ZNF330: variants seen among roughly 807,000 people sequenced by gnomAD.
ZNF330 encodes zinc finger protein 330.
A neutral mutation model predicts 45.5 loss-of-function variants in ZNF330; 31 were observed. The observed-to-expected ratio is 0.68, with a 90% CI of 0.51 to 0.92. The LOEUF (loss-of-function observed/expected upper bound fraction) is 0.92, where lower values mean the gene tolerates loss of function less well. Ranked by LOEUF, ZNF330 falls within the 40% of genes least tolerant of loss-of-function variation. The probability of loss-of-function intolerance (pLI) is 0.00; values close to 1 mark genes in which losing one functional copy is unlikely to be tolerated. For synonymous variants in ZNF330, 138 were observed against 123.2 expected (o/e 1.12, Z -0.79); for missense variants, 356 against 387.4 (o/e 0.92, Z 0.68).
chr4:141,223,100 A>C (rs1385211308), intron 2 of ZNF330, among the ~76,000 whole-genome samples: 1 of 152,010 alleles, frequency 6.6e-6, no homozygotes, highest in Non-Finnish European at 1.5e-5. Context: ...TTTGTCAAAC[A>C]TACATGAATT....
intron 4 of ZNF330, among the ~76,000 whole-genome samples, chr4:141,226,506 A>G (rs537348002): frequency 1.3e-5 from 2 of 152,298 alleles, no homozygotes; most frequent in East Asian, 1.9e-4. Context: ...TTTCTGATTT[A>G]GTACAAATTA....
rs1328467747 is a variant in ZNF330 at position 141,226,750 on chromosome 4, A to G, written c.212-17A>G. 5 of 1,607,294 alleles carry G rather than the reference A, an allele frequency of 3.1e-6. No homozygotes were observed. Among genetic ancestry groups the G allele is most frequent in the Non-Finnish European group, 4.3e-6 (5 of 1,174,650 alleles). On this transcript the variant is annotated splice_polypyrimidine_tract_variant and intron_variant, in intron 4 of 9. Transcript: ENST00000262990. ...TTCCTTTGCAAGACTAACAGTGCAA[A>G]TGTTTTTCTTCATTAGGGAAAACAA...
chr4:141,225,720 TG>T (rs767898821), intron 4 of ZNF330, among the ~76,000 whole-genome samples: 5 of 152,096 alleles, frequency 3.3e-5, no homozygotes, highest in Non-Finnish European at 7.4e-5. Context: ...CTGGCCTATA[TG>T]GAACACTCAT....
intron 5 of ZNF330, among the ~76,000 whole-genome samples, chr4:141,228,926 A>G (rs1377211751): frequency 2.6e-5 from 4 of 152,106 alleles, no homozygotes; most frequent in Admixed American, 2.6e-4. Context: ...GGTAGGTGTC[A>G]ATGTTTTATT....
At position 141,226,847 on chromosome 4, in the gene ZNF330, G is replaced by A; in HGVS notation, c.291+1G>A. The A allele has an allele frequency of 6.2e-7, 1 of 1,609,706 alleles. No individual in the cohort carries two copies. Among genetic ancestry groups the A allele is most frequent in the Non-Finnish European group, 8.5e-7 (1 of 1,177,228 alleles). On this transcript the variant is annotated splice_donor_variant, in intron 5 of 9. Transcript: ENST00000262990. LOFTEE classifies it high-confidence loss of function. ...ATACAGTACTGGCCTTGCAATGGTGGTAAGCTTCTTATTATCTCTTAGACT... is the reference window on the plus strand; with the variant it reads ...ATACAGTACTGGCCTTGCAATGGTGATAAGCTTCTTATTATCTCTTAGACT...
In ZNF330 at chr4:141,234,031, A is replaced by T; in HGVS notation, c.*42A>T. ...GCCGTGTGTGAGAGGAGCAGGAGTG[A>T]GTGTGTGTGCTTGATGAATTGTGTG... On this transcript the variant is annotated 3_prime_UTR_variant, in exon 10 of 10. Transcript: ENST00000262990. The T allele has an allele frequency of 6.4e-7, 1 of 1,572,748 alleles. No individual in the cohort carries two copies. The highest frequency in any genetic ancestry group is 8.6e-7 in the Non-Finnish European group (1 of 1,160,870).
rs112857937 is a variant in ZNF330, at chr4:141,231,183, C to A, written c.524-256C>A. Among the ~76,000 whole-genome samples, 434 of 152,124 alleles carry A rather than the reference C, an allele frequency of 2.9e-3. 3 individuals are homozygous for A. The highest frequency in any genetic ancestry group is 0.01 in the African/African-American group (418 of 41,494). ...TCTTGCAATATTTATATATAAAATT[C>A]TCAGATTAAAAGAGCATCTCGAAGT... On this transcript the variant is annotated intron_variant, in intron 7 of 9. Transcript: ENST00000262990.
intron 2 of ZNF330, chr4:141,222,799 C>G (rs1326191379): frequency 2.3e-5 from 4 of 176,672 alleles, no homozygotes; most frequent in African/African-American, 9.5e-5. Context: ...GGGTTTTCAT[C>G]ATATTTTCTT....
At chr4:141,226,933 C>T in intron 5 of ZNF330, 87 bp downstream of exon 5, 1 of 1,063,402 alleles carries the variant, frequency 9.4e-7, no homozygotes, top group Non-Finnish European at 1.4e-6. Context: ...TTCTAAATAT[C>T]ATTGCTTTGT....
rs765805211 is a variant in ZNF330 at position 141,222,400 on chromosome 4, A to G, written c.29A>G (p.Lys10Arg). The G allele has an allele frequency of 2.5e-6, 4 of 1,613,810 alleles. No individual in the cohort carries two copies. In the Admixed American group the frequency reaches 6.7e-5, roughly 27 times the overall value. Reference protein sequence around the residue: MPKKKTGARKKAENRREREK... With the variant: MPKKKTGARRKAENRREREK... Reference sequence around the variant, plus strand: ...CCTAAAAAAAAGACTGGTGCGAGGAAGAAGGCTGAGAACCGCCGAGAACGT... The same window carrying G: ...CCTAAAAAAAAGACTGGTGCGAGGAGGAAGGCTGAGAACCGCCGAGAACGT... The change falls in exon 2 of 10, where the codon AAG becomes AGG. Residue 10 changes from lysine (K) to arginine (R), a missense_variant. Coordinates refer to ENST00000262990, the MANE Select transcript of ZNF330 (RefSeq NM_014487.6).
At chr4:141,230,606 C>G (rs1728926619) in intron 7 of ZNF330, among the ~76,000 whole-genome samples, 1 of 152,102 alleles carries the variant, frequency 6.6e-6, no homozygotes, top group Non-Finnish European at 1.5e-5. Context: ...CCCTTCCTTC[C>G]CATTTCCAAA....
intron 4 of ZNF330, 99 bp downstream of exon 4, chr4:141,224,776 A>G (rs1228443615): frequency 1.2e-5 from 11 of 950,356 alleles, no homozygotes; most frequent in South Asian, 5.8e-5. Flanking sequence ...AGTGCTTACA[A>G]TTGTTGATAA....
At chr4:141,229,368 A>G (rs1257342678) in intron 5 of ZNF330, among the ~76,000 whole-genome samples, 1 of 150,686 alleles carries the variant, frequency 6.6e-6, no homozygotes, top group Non-Finnish European at 1.5e-5. Context: ...TATATTGTGG[A>G]TAGCTGTTAA....
chr4:141,224,280 T>C (rs972071256), intron 2 of ZNF330, among the ~76,000 whole-genome samples: 4 of 152,204 alleles, frequency 2.6e-5, no homozygotes, highest in Non-Finnish European at 4.4e-5. Context: ...TGCCACTTCT[T>C]CAGGGAATCA....
At chr4:141,233,261 G>C (rs775778417) in intron 9 of ZNF330, among the ~76,000 whole-genome samples, 24 of 152,118 alleles carry the variant, frequency 1.6e-4, no homozygotes, top group Non-Finnish European at 2.2e-4. Flanking sequence ...ATGGTGAGGT[G>C]AGACTGATGA....
rs1401161233 is a variant in ZNF330, at chr4:141,220,932, C to A, written c.-183C>A. 1 of 152,298 alleles carries A rather than the reference C, an allele frequency of 6.6e-6. No homozygotes were observed. The highest frequency in any genetic ancestry group is 1.5e-5 in the Non-Finnish European group (1 of 68,082). 9.4% of individuals were successfully genotyped at this position (152,298 alleles called of 1,614,324 possible). A position where few individuals can be genotyped will look rare whatever the true frequency, so the allele number is the denominator to read the frequency against. ...GGACGTCCGGTCCGTCTCCTAGTGT[C>A]CGGAATCGGCTGTCAGCCTCCCTGG... On this transcript the variant is annotated 5_prime_UTR_variant, in exon 1 of 10. Transcript: ENST00000262990.
intron 2 of ZNF330, among the ~76,000 whole-genome samples, chr4:141,223,348 TGGGAAGGGGAAGG>T (rs1560784655): frequency 6.6e-6 from 1 of 152,126 alleles, no homozygotes; most frequent in African/African-American, 2.4e-5. Flanking sequence ...CTCATATTGC[TGGGAAGGGGAAGG>T]ATATACCTGG....
chr4:141,222,474 C>T lies in ZNF330; in HGVS notation c.103C>T (p.Pro35Ser). ...AAGCACTATAGATTTAGCTAAACAT[C>T]CATGTAATGCCTCAATGGTATCAGC... ...SRSTIDLAKH[P>S]CNASMECDKC... The change falls in exon 2 of 10, where the codon CCA (proline) becomes TCA (serine). Residue 35 changes from proline to serine, a missense_variant. Pro to Ser is a moderately conservative substitution (Grantham distance 74). Coordinates refer to ENST00000262990, the MANE Select transcript of ZNF330 (RefSeq NM_014487.6). 2 of 1,612,174 alleles carry T rather than the reference C, an allele frequency of 1.2e-6. No individual in the cohort carries two copies. The highest frequency in any genetic ancestry group is 1.7e-6 in the Non-Finnish European group (2 of 1,179,326).
In ZNF330 at chr4:141,234,007, C is replaced by T. The variant is rs777330367; in HGVS notation, c.*18C>T. 13 of 1,599,720 alleles carry T rather than the reference C, an allele frequency of 8.1e-6. No individual in the cohort carries two copies. The highest frequency in any genetic ancestry group is 1.1e-5 in the South Asian group (1 of 88,506). On this transcript the variant is annotated 3_prime_UTR_variant, in exon 10 of 10. Transcript: ENST00000262990. ...AGAACTAGGGGAGCTGCTCTGGTGG[C>T]CGTGTGTGAGAGGAGCAGGAGTGAG...
Sources: allele counts gnomAD v4.1 joint callset (sites outside exome capture counted in the v4.1 genomes callset), GRCh38; gene constraint gnomAD v4.1.1; transcripts MANE v1.5; gene names NCBI Gene and HGNC (gene_info 2026-07-23, HGNC 2026-07-21).